Variants in PDCD11 observed in about 807,000 individuals in gnomAD.
PDCD11 encodes programmed cell death 11.
In PDCD11, 97 loss-of-function variants were observed where a neutral mutation model predicts 198.9. The observed-to-expected ratio is 0.49, with a 90% CI of 0.41 to 0.58. The LOEUF (loss-of-function observed/expected upper bound fraction) is 0.58, where lower values mean the gene tolerates loss of function less well. Among genes scored for constraint, PDCD11 ranks in the 20% least tolerant of loss-of-function variants. The pLI is 0.00. For synonymous variants in PDCD11, 893 were observed against 918.0 expected, an observed-to-expected ratio of 0.97 and a Z score of 0.49; for missense variants, 2,102 against 2,312.7, an observed-to-expected ratio of 0.91 and a Z score of 1.87.
chr10:103,419,817 T>C, intron 16 of PDCD11, 109 bp downstream of exon 16: 4 of 947,616 alleles, frequency 4.2e-6, no homozygotes, highest in Non-Finnish European at 6.2e-6. Context: ...TTTGAGACAG[T>C]CTTGTTCTGT....
chr10:103,434,935 G>T lies in PDCD11; in HGVS notation c.3805G>T (p.Glu1269Ter). The change falls in exon 25 of 36, where the codon GAG becomes TAG. Residue 1269 changes from glutamate (E) to a stop codon, truncating the protein, a stop_gained. Transcript: ENST00000369797. LOFTEE classifies it high-confidence loss of function. ...SIFHMSDSYS[E>*]TPLEDFVPQK... Reference sequence around the variant, plus strand: ...ATTTCACATGAGTGACTCCTACTCCGAGACGCCCCTGGAAGACTTCGTCCC... The same window carrying T: ...ATTTCACATGAGTGACTCCTACTCCTAGACGCCCCTGGAAGACTTCGTCCC... 6.3e-7 allele frequency: 1 copy of T among 1,593,502 alleles called. No individual in the cohort carries two copies. The highest frequency in any genetic ancestry group is 8.5e-7 in the Non-Finnish European group (1 of 1,170,120).
At position 103,440,865 on chromosome 10, in the gene PDCD11, G is replaced by C; in HGVS notation, c.4557+15G>C. 1 of 1,567,170 alleles carries C rather than the reference G, an allele frequency of 6.4e-7. No individual in the cohort carries two copies. Among genetic ancestry groups the C allele is most frequent in the Non-Finnish European group, 8.7e-7 (1 of 1,145,068 alleles). On this transcript the variant is annotated intron_variant, in intron 30 of 35. Transcript: ENST00000369797. ...TGCTGCCCAAGGTGAGGGTGACGTC[G>C]CGGGGAGGGGAAGGCTGCTCCAGGC...
chr10:103,426,848 T>C (rs1346940011), intron 20 of PDCD11, among the ~76,000 whole-genome samples: 1 of 151,392 alleles, frequency 6.6e-6, no homozygotes, highest in African/African-American at 2.4e-5. Context: ...TCCCAGCACT[T>C]TGGGACGATG....
Position 103,418,526 on chromosome 10 carries a change from A to T in PDCD11, c.1998A>T (p.Thr666=), listed in dbSNP as rs2031244713. The part of the protein sequence containing the change: ...LPHNIRAFLP[T]SHLSDHVANG... The stretch of plus-strand genomic sequence containing the variant: ...ACAACATCCGTGCTTTCCTCCCCAC[A>T]TCTCATCTGTCGGACCACGTTGCCA... Residue 666 remains threonine, a synonymous_variant, in exon 15 of 36, where the codon ACA becomes ACT. Transcript: ENST00000369797. 6.2e-7 allele frequency: 1 copy of T among 1,614,162 alleles called. No individual in the cohort carries two copies. The highest frequency in any genetic ancestry group is 1.3e-5 in the African/African-American group (1 of 75,026).
intron 21 of PDCD11, 64 bp from the exon 22 acceptor site, chr10:103,432,065 G>A (rs2031958234): frequency 8.0e-7 from 1 of 1,250,326 alleles, no homozygotes; most frequent in South Asian, 1.2e-5. Flanking sequence ...TGGGAGAGAT[G>A]GTTTCAAACT....
rs758855276 is a variant in PDCD11, at chr10:103,425,247, C to G, written c.3027C>G (p.Asp1009Glu). The G allele has an allele frequency of 6.2e-6, 10 of 1,614,140 alleles. No individual in the cohort carries two copies. The East Asian group carries it at 2.2e-4, about 36-fold the overall frequency. The part of the protein sequence containing the change: ...AKRTMRPTQK[D>E]SETVDEDEEV... Reference sequence around the variant, plus strand: ...GGACCATGAGGCCGACCCAGAAGGACTCTGAGACAGTTGATGAGGATGAAG... The same window carrying G: ...GGACCATGAGGCCGACCCAGAAGGAGTCTGAGACAGTTGATGAGGATGAAG... Residue 1009 changes from aspartate to glutamate, a missense_variant, in exon 20 of 36, where the codon GAC becomes GAG. Transcript: ENST00000369797.
intron 21 of PDCD11, among the ~76,000 whole-genome samples, chr10:103,431,235 G>T (rs1195002559): frequency 1.3e-5 from 2 of 152,152 alleles, no homozygotes; most frequent in Non-Finnish European, 2.9e-5. Flanking sequence ...TGATTCCTTT[G>T]AGGTGATTGT....
At chr10:103,409,165 C>T (rs1039972074) in intron 7 of PDCD11, among the ~76,000 whole-genome samples, 1 of 151,992 alleles carries the variant, frequency 6.6e-6, no homozygotes, top group African/African-American at 2.4e-5. Context: ...TAGTATTTTC[C>T]GGGAAGGTAA....
intron 34 of PDCD11, 197 bp from the exon 35 acceptor site, chr10:103,444,318 CAG>C (rs1447054145): frequency 1.6e-6 from 1 of 630,412 alleles, no homozygotes. Flanking sequence ...CTTCTGTGCC[CAG>C]AGAGTGGTGT....
chr10:103,421,231 G>A (rs1287928462), intron 16 of PDCD11, 117 bp from the exon 17 acceptor site: 2 of 740,766 alleles, frequency 2.7e-6, no homozygotes, highest in African/African-American at 3.5e-5. Context: ...AGAGGGCTTG[G>A]GGGAGCTTCC....
intron 8 of PDCD11, among the ~76,000 whole-genome samples, chr10:103,410,615 T>C (rs1033856273): frequency 4.0e-5 from 6 of 150,008 alleles, no homozygotes; most frequent in African/African-American, 9.8e-5. Flanking sequence ...TTTTTTTTTT[T>C]CTTTTTTTTT....
Position 103,418,430 on chromosome 10 carries a change from C to A in PDCD11, c.1912-10C>A, listed in dbSNP as rs1414222185. ...CAAGTGCTATTTTTGTCTTTCTCTT[C>A]CCTGGGTAGTTGGTAGATGTGAAGG... On this transcript the variant is annotated splice_polypyrimidine_tract_variant and intron_variant, in intron 14 of 35. Coordinates refer to ENST00000369797, the MANE Select transcript of PDCD11 (RefSeq NM_014976.2). The A allele has an allele frequency of 6.2e-7, 1 of 1,610,094 alleles. No individual in the cohort carries two copies. The highest frequency in any genetic ancestry group is 1.7e-5 in the Admixed American group (1 of 59,870).
chr10:103,442,158 C>G, intron 31 of PDCD11, 55 bp from the exon 32 acceptor site: 1 of 1,598,966 alleles, frequency 6.3e-7, no homozygotes, highest in Non-Finnish European at 8.5e-7. Flanking sequence ...CACCACAGAC[C>G]TCCCCTAGGC....
At position 103,445,758 on chromosome 10, in the gene PDCD11, A is replaced by G; in HGVS notation, c.*209A>G. 1.9e-6 allele frequency: 1 copy of G among 539,180 alleles called. No homozygotes were observed. The highest frequency in any genetic ancestry group is 3.3e-6 in the Non-Finnish European group (1 of 302,476). 33.4% of individuals were successfully genotyped at this position (539,180 alleles called of 1,614,324 possible). ...GCTTTATTTTCAGTACCAACTTGTTATCTTTTTCCTTATCTGAGGCTACCT... is the reference window on the plus strand; with the variant it reads ...GCTTTATTTTCAGTACCAACTTGTTGTCTTTTTCCTTATCTGAGGCTACCT... On this transcript the variant is annotated 3_prime_UTR_variant, in exon 36 of 36. Transcript: ENST00000369797.
At chr10:103,444,125 A>AAC in intron 34 of PDCD11, 57 bp downstream of exon 34, 1 of 1,489,732 alleles carries the variant, frequency 6.7e-7, no homozygotes, top group East Asian at 2.3e-5. Flanking sequence ...GGGGAGTAGG[A>AAC]ACTGGCTGTG....
At chr10:103,420,137 T>G (rs2031344436) in intron 16 of PDCD11, among the ~76,000 whole-genome samples, 3 of 151,934 alleles carry the variant, frequency 2.0e-5, no homozygotes, top group Admixed American at 2.0e-4. Context: ...CAGGGGTACC[T>G]CTTAAGGTGT....
At chr10:103,410,190 G>A (rs1262556541) in intron 8 of PDCD11, among the ~76,000 whole-genome samples, 4 of 151,292 alleles carry the variant, frequency 2.6e-5, no homozygotes, top group South Asian at 2.1e-4. Flanking sequence ...AGCTGAGATC[G>A]TGCCACTGCA....
chr10:103,409,758 T>C lies in PDCD11; in HGVS notation c.930T>C (p.Phe310=). The change falls in exon 8 of 36, where the codon TTT becomes TTC. Residue 310 remains phenylalanine, a synonymous_variant. Coordinates refer to ENST00000369797, the MANE Select transcript of PDCD11 (RefSeq NM_014976.2). ...FLTFFTGVVD[F]MHLDPKKAGT... is the part of the protein sequence containing the mutation. ...CATTCTTCACGGGCGTGGTTGACTT[T>C]ATGCACCTGGATCCCAAGAAAGCTG... 1.9e-6 allele frequency: 3 copies of C among 1,614,164 alleles called. No individual in the cohort carries two copies. The highest frequency in any genetic ancestry group is 1.1e-5 in the South Asian group (1 of 91,086).
intron 30 of PDCD11, 108 bp downstream of exon 30, chr10:103,440,958 GGGGCT>G (rs1209995705): frequency 1.3e-6 from 1 of 774,494 alleles, no homozygotes; most frequent in Non-Finnish European, 2.1e-6. Flanking sequence ...TACGAAAGCA[GGGGCT>G]GTCAGTTGCC....
Sources: gnomAD v4.1 joint callset for allele counts (sites outside exome capture counted in the v4.1 genomes callset) on GRCh38, gnomAD v4.1.1 for gene constraint, MANE v1.5 for transcripts, NCBI Gene and HGNC (gene_info 2026-07-23, HGNC 2026-07-21) for gene names.